Variants in DOCK7 observed in about 807,000 individuals in gnomAD.
DOCK7 encodes the protein dedicator of cytokinesis protein 7.
Under a neutral mutation model 271.0 loss-of-function variants are expected in DOCK7, and 138 were observed. The ratio of observed to expected loss-of-function variants is 0.51; its 90% confidence interval spans 0.44 to 0.59. The LOEUF (loss-of-function observed/expected upper bound fraction) is 0.59. Ranked by LOEUF, DOCK7 falls within the 20% of genes least tolerant of loss-of-function variation. The pLI is 0.00. For synonymous variants in DOCK7, 823 were observed against 876.1 expected (o/e 0.94, Z 1.07); for missense variants, 2,066 against 2,592.4 (o/e 0.80, Z 4.41).
At chr1:62,647,606 T>C (rs1428146189) in intron 7 of DOCK7, 85 bp downstream of exon 7, 4 of 901,002 alleles carry the variant, frequency 4.4e-6, no homozygotes, top group African/African-American at 1.7e-5. Flanking sequence ...AATGCAACTA[T>C]AAAATCTACT....
chr1:62,612,303 T>C (rs1651895403), intron 14 of DOCK7, among the ~76,000 whole-genome samples: 1 of 151,980 alleles, frequency 6.6e-6, no homozygotes, highest in African/African-American at 2.4e-5. Context: ...AAAATGACAA[T>C]GCAAGTTAAT....
chr1:62,521,956 A>C (rs893488578), intron 31 of DOCK7, among the ~76,000 whole-genome samples: 2 of 152,202 alleles, frequency 1.3e-5, no homozygotes, highest in African/African-American at 2.4e-5. Context: ...AGCCTGTGTG[A>C]TACAGCGAGA....
rs148978020 is a variant in DOCK7 at position 62,539,832 on chromosome 1, G to T, written c.3106C>A (p.Arg1036Ser). ...TCATCCATGAAACGTTCTGGAAAAC[G>T]ACTTTTCCTTGGAGCCTCAAGTTTA... ...NDKLEAPRKS[R>S]FPERFMDDIA... Residue 1036 changes from arginine to serine, a missense_variant, in exon 26 of 50, where the codon CGT becomes AGT. Physicochemically the swap from Arg to Ser is moderately radical, Grantham distance 110. Coordinates refer to ENST00000635253, the MANE Select transcript of DOCK7 (RefSeq NM_001367561.1). The T allele has an allele frequency of 3.7e-6, 6 of 1,613,322 alleles. No homozygotes were observed. In the South Asian group the frequency reaches 4.4e-5, roughly 12 times the overall value.
chr1:62,455,381 T>C lies in DOCK7; in HGVS notation c.*33A>G. 6.2e-7 allele frequency: 1 copy of C among 1,608,838 alleles called. No individual in the cohort carries two copies. The highest frequency in any genetic ancestry group is 8.5e-7 in the Non-Finnish European group (1 of 1,175,672). ...TCACACTCGATGTTGAATACATGGC[T>C]CTTTGCAGATGAATAAAACAAGTGC... is the stretch of plus-strand genomic sequence containing the variant. On this transcript the variant is annotated 3_prime_UTR_variant, in exon 50 of 50. Coordinates refer to ENST00000635253, the MANE Select transcript of DOCK7 (RefSeq NM_001367561.1).
At chr1:62,635,740 G>A (rs1042601282) in intron 8 of DOCK7, 2 of 152,164 alleles carry the variant, frequency 1.3e-5, no homozygotes, top group African/African-American at 4.8e-5. Context: ...GGCACTTCAA[G>A]TTTCCTTTTT....
At chr1:62,686,723 A>G (rs1228087639) in intron 1 of DOCK7, among the ~76,000 whole-genome samples, 1 of 152,164 alleles carries the variant, frequency 6.6e-6, no homozygotes, top group East Asian at 1.9e-4. Flanking sequence ...CAGACGAGGA[A>G]ACGGAAATTT....
chr1:62,496,941 G>A (rs1646641049), intron 37 of DOCK7, among the ~76,000 whole-genome samples: 1 of 152,094 alleles, frequency 6.6e-6, no homozygotes, highest in South Asian at 2.1e-4. Flanking sequence ...ATGTAAGGTA[G>A]AATCTTTTGG....
chr1:62,554,615 C>T (rs7522249), intron 21 of DOCK7, among the ~76,000 whole-genome samples: 148,644 of 152,246 alleles, frequency 0.98, 72,667 homozygotes, highest in Middle Eastern at 1. Context: ...TTCATCTTTC[C>T]GAATGTCATA....
At chr1:62,541,480 C>G (rs1348940589) in intron 25 of DOCK7, among the ~76,000 whole-genome samples, 1 of 152,166 alleles carries the variant, frequency 6.6e-6, no homozygotes, top group Admixed American at 6.5e-5. Context: ...GCAAAACCAA[C>G]CCCTCCTCTT....
chr1:62,528,501 T>C (rs1410606670), intron 30 of DOCK7, among the ~76,000 whole-genome samples, 196 bp from the exon 31 acceptor site: 1 of 152,194 alleles, frequency 6.6e-6, no homozygotes, highest in Non-Finnish European at 1.5e-5. Context: ...ACAGAGAACA[T>C]TAACTTGCTA....
chr1:62,547,565 A>G (rs1013852444), intron 22 of DOCK7, among the ~76,000 whole-genome samples: 3 of 152,216 alleles, frequency 2.0e-5, no homozygotes, highest in Non-Finnish European at 2.9e-5. Context: ...TCCTCAGCAT[A>G]GTGCCTAGCA....
intron 14 of DOCK7, chr1:62,602,291 C>T (rs1650252605): frequency 1.2e-6 from 2 of 1,606,354 alleles, no homozygotes; most frequent in South Asian, 2.2e-5. Flanking sequence ...TCAGGTAGTC[C>T]ATGGACATTA....
chr1:62,562,991 G>T (rs1488784733), intron 18 of DOCK7, among the ~76,000 whole-genome samples: 1 of 152,102 alleles, frequency 6.6e-6, no homozygotes, highest in Non-Finnish European at 1.5e-5. Flanking sequence ...CACACATTGA[G>T]GTGCTATCAA....
chr1:62,597,351 A>C, intron 14 of DOCK7: 1 of 489,894 alleles, frequency 2.0e-6, no homozygotes, highest in South Asian at 3.3e-5. Flanking sequence ...CTATTAAGTT[A>C]GTTGCTCATT....
intron 1 of DOCK7, among the ~76,000 whole-genome samples, chr1:62,671,690 A>C (rs1272269621): frequency 1.3e-5 from 2 of 152,200 alleles, no homozygotes; most frequent in African/African-American, 2.4e-5. Flanking sequence ...GCAGGGGAAA[A>C]ATAGTCTCAG....
At chr1:62,680,074 T>C (rs549505851) in intron 1 of DOCK7, among the ~76,000 whole-genome samples, 3 of 152,298 alleles carry the variant, frequency 2.0e-5, no homozygotes, top group Non-Finnish European at 2.9e-5. Context: ...GGGCCCACAT[T>C]GCCAAGTCAA....
At chr1:62,601,745 G>T (rs1340290966) in intron 14 of DOCK7, 33 of 1,449,908 alleles carry the variant, frequency 2.3e-5, no homozygotes, top group Non-Finnish European at 3.0e-5. Flanking sequence ...TAAATCTGAT[G>T]TAATAACATT....
At chr1:62,474,503 T>C (rs1486001331) in intron 47 of DOCK7, among the ~76,000 whole-genome samples, 2 of 152,248 alleles carry the variant, frequency 1.3e-5, no homozygotes, top group East Asian at 3.8e-4. Context: ...GGACATTGTG[T>C]TAAAGAAGAT....
intron 11 of DOCK7, 58 bp from the exon 12 acceptor site, chr1:62,625,459 T>C: frequency 1.3e-6 from 2 of 1,508,828 alleles, no homozygotes; most frequent in Non-Finnish European, 1.8e-6. Flanking sequence ...TGTTTTAAAG[T>C]AGCTTTCCAA....
Sources: gnomAD v4.1 joint callset for allele counts (sites outside exome capture counted in the v4.1 genomes callset) on GRCh38, gnomAD v4.1.1 for gene constraint, MANE v1.5 for transcripts, NCBI Gene and HGNC (gene_info 2026-07-23, HGNC 2026-07-21) for gene names.